The following F10 variants were observed in gnomAD, a reference collection of about 807,000 sequenced individuals.
The protein encoded by F10 is coagulation factor X.
A neutral mutation model predicts 37.1 loss-of-function variants in F10; 29 were observed. The observed-to-expected ratio is 0.78, with a 90% CI of 0.58 to 1.07. The LOEUF is 1.07. Among genes scored for constraint, F10 ranks in the 50% least tolerant of loss-of-function variants. The pLI, the probability that F10 is intolerant of heterozygous loss-of-function variation, is 0.00. For missense variants in F10, 539 were observed against 667.9 expected (o/e 0.81, Z 2.13); for synonymous variants, 262 against 268.6 (o/e 0.98, Z 0.24).
At chr13:113,142,102 C>A (rs2036533803) in intron 5 of F10, among the ~76,000 whole-genome samples, 1 of 152,244 alleles carries the variant, frequency 6.6e-6, no homozygotes, top group Non-Finnish European at 1.5e-5. Flanking sequence ...CCTGAAACAT[C>A]TCAGCAAGTG....
rs1018739203 is a variant in F10 at position 113,146,666 on chromosome 13, G to A, written c.748-713G>A. Reference sequence around the variant, plus strand: ...CATGACCCCTTTTCTAGCCATGAATGTTTTAAGAAATGTTTTAAGACTCGG... The same window carrying A: ...CATGACCCCTTTTCTAGCCATGAATATTTTAAGAAATGTTTTAAGACTCGG... On this transcript the variant is annotated intron_variant, in intron 6 of 7. Transcript: ENST00000375559. This position sits in a 1 kb window ranked among gnomAD's most constrained non-coding sequence, Gnocchi z 4.5. Among the ~76,000 whole-genome samples the A allele has an allele frequency of 3.3e-5, 5 of 152,186 alleles. No individual in the cohort carries two copies. Among genetic ancestry groups the A allele is most frequent in the Non-Finnish European group, 7.4e-5 (5 of 68,024 alleles).
In F10 at chr13:113,143,988, C is replaced by G; in HGVS notation, c.640C>G (p.Pro214Ala). 1 of 1,613,728 alleles carries G rather than the reference C, an allele frequency of 6.2e-7. No individual in the cohort carries two copies. The change falls in exon 6 of 8, where the codon CCC becomes GCC. Residue 214 changes from proline to alanine, a missense_variant. Coordinates refer to ENST00000375559, the MANE Select transcript of F10 (RefSeq NM_000504.4). This position sits in a 1 kb window ranked among gnomAD's most constrained non-coding sequence, Gnocchi z 6.8. ...AGCCGACCTGGACCCCACCGAGAAC[C>G]CCTTCGACCTGCTTGACTTCAACCA... ...DAADLDPTEN[P>A]FDLLDFNQTQ...
At chr13:113,133,584 C>T (rs1244121326) in intron 2 of F10, among the ~76,000 whole-genome samples, 1 of 152,166 alleles carries the variant, frequency 6.6e-6, no homozygotes, top group African/African-American at 2.4e-5. Flanking sequence ...GATGGTTTCA[C>T]TGGTAGAATT....
chr13:113,143,711 GC>G lies in F10; in HGVS notation c.503-137del. On this transcript the variant is annotated intron_variant, in intron 5 of 7. Transcript: ENST00000375559. The surrounding 1 kb of genome is among the most constrained non-coding windows in gnomAD (Gnocchi z 6.8). ...ACCCCTGCCGACGACGTGGGGCCTC[GC>G]CCTGCAAGCCCGCTGCCCCTCCGGG... The G allele has an allele frequency of 1.6e-6, 2 of 1,234,042 alleles. No homozygotes were observed. The highest frequency in any genetic ancestry group is 2.7e-5 in the East Asian group (1 of 37,616). 76.4% of individuals were successfully genotyped at this position (1,234,042 alleles called of 1,614,324 possible).
rs1555396300 is a variant in F10, at chr13:113,148,345, AAT to A, written c.866-554_866-553del. Among the ~76,000 whole-genome samples, 191 of 95,402 alleles carry A rather than the reference AAT, an allele frequency of 2.0e-3. 2 individuals are homozygous for A. The highest frequency in any genetic ancestry group is 5.0e-3 in the Middle Eastern group (1 of 200). 62.6% of individuals were successfully genotyped at this position (95,402 alleles called of 152,430 possible). On this transcript the variant is annotated intron_variant, in intron 7 of 7. Transcript: ENST00000375559. ...AACTCTGTCTCAAAAAAAAAAAAAA[AAT>A]ATATATATATATATATGTATATATA...
At position 113,129,361 on chromosome 13, in the gene F10, G is replaced by C. The variant is rs186575376; in HGVS notation, c.71-91G>C. 2.2e-4 allele frequency: 332 copies of C among 1,521,680 alleles called. 5 individuals carry two copies. In the East Asian group the frequency reaches 7.5e-3, roughly 34 times the overall value. 94.3% of individuals were successfully genotyped at this position (1,521,680 alleles called of 1,614,324 possible). A position where few individuals can be genotyped will look rare whatever the true frequency, so the allele number is the denominator to read the frequency against. ...GATCCGCCTTTTGTGATCTGGATATGGCAAGGGACATGGCAGTCAGGGAGC... is the reference window on the plus strand; with the variant it reads ...GATCCGCCTTTTGTGATCTGGATATCGCAAGGGACATGGCAGTCAGGGAGC... On this transcript the variant is annotated intron_variant, in intron 1 of 7. Transcript: ENST00000375559.
intron 7 of F10, among the ~76,000 whole-genome samples, chr13:113,148,546 C>T (rs2036607093): frequency 6.6e-6 from 1 of 151,966 alleles, no homozygotes; most frequent in African/African-American, 2.4e-5. Flanking sequence ...ACGTTCATGG[C>T]ACAACTATTT....
At chr13:113,135,858 A>G (rs2036474207) in intron 2 of F10, among the ~76,000 whole-genome samples, 2 of 152,218 alleles carry the variant, frequency 1.3e-5, no homozygotes, top group Admixed American at 1.3e-4. Context: ...ATTGACACCA[A>G]AAGAATGATT....
Position 113,148,960 on chromosome 13 carries a change from G to A in F10, c.910G>A (p.Glu304Lys), listed in dbSNP as rs747292771. ...GGAGGAGGGCGGTGAGGCGGTGCAC[G>A]AGGTGGAGGTGGTCATCAAGCACAA... ...EQEEGGEAVH[E>K]VEVVIKHNRF... The change falls in exon 8 of 8, where the codon GAG becomes AAG. Residue 304 changes from glutamate to lysine, a missense_variant. By Grantham distance (56) the Glu-to-Lys change is moderately conservative (BLOSUM62 1). Coordinates refer to ENST00000375559, the MANE Select transcript of F10 (RefSeq NM_000504.4). The A allele has an allele frequency of 8.7e-6, 14 of 1,613,328 alleles. No homozygotes were observed. The highest frequency in any genetic ancestry group is 3.3e-5 in the South Asian group (3 of 91,074).
rs766752130 is a variant in F10 at position 113,149,107 on chromosome 13, CT to C, written c.1058del (p.Leu353ArgfsTer2). 6.2e-7 allele frequency: 1 copy of C among 1,613,102 alleles called. No individual in the cohort carries two copies. Among genetic ancestry groups the C allele is most frequent in the Non-Finnish European group, 8.5e-7 (1 of 1,179,988 alleles). On this transcript the variant is annotated frameshift_variant, in exon 8 of 8. Coordinates refer to ENST00000375559, the MANE Select transcript of F10 (RefSeq NM_000504.4). LOFTEE classifies it low-confidence loss of function (END_TRUNC). This position sits in a 1 kb window ranked among gnomAD's most constrained non-coding sequence, Gnocchi z 7.5. ...LPERDWAESTLMTQKTGIVSG... is the reference protein window; with the variant it reads ...LPERDWAESTXMTQKTGIVSG... ...CGAGCGTGACTGGGCCGAGTCCACGCTGATGACGCAGAAGACGGGGATTGTG... is the reference window on the plus strand; with the variant it reads ...CGAGCGTGACTGGGCCGAGTCCACGCGATGACGCAGAAGACGGGGATTGTG...
rs762559898 is a variant in F10 at position 113,143,807 on chromosome 13, G to T, written c.503-44G>T. On this transcript the variant is annotated intron_variant, in intron 5 of 7. Transcript: ENST00000375559. This position sits in a 1 kb window ranked among gnomAD's most constrained non-coding sequence, Gnocchi z 6.8. The stretch of plus-strand genomic sequence containing the variant: ...GGGTGAGCTGTGCAGGCTATGGGGA[G>T]CCTCTCTCTGTGCTGAAGGCCCCGG... The T allele has an allele frequency of 6.2e-7, 1 of 1,606,328 alleles. No individual in the cohort carries two copies.
intron 2 of F10, chr13:113,131,583 A>G (rs542661818): frequency 6.6e-6 from 1 of 152,388 alleles, no homozygotes; most frequent in Non-Finnish European, 1.5e-5. Flanking sequence ...TCTATGTAAC[A>G]AAAGCTTTTG....
chr13:113,131,955 C>T (rs1003449829), intron 2 of F10: 4 of 152,266 alleles, frequency 2.6e-5, no homozygotes, highest in African/African-American at 9.6e-5. Flanking sequence ...ACTCCCACAA[C>T]ATCAAGGAAA....
chr13:113,145,509 C>T (rs908218258), intron 6 of F10, among the ~76,000 whole-genome samples: 16 of 151,384 alleles, frequency 1.1e-4, no homozygotes, highest in Admixed American at 2.0e-4. Context: ...TTCCAAGTAT[C>T]GCATGAAGCA....
chr13:113,139,530 C>T lies in F10; in HGVS notation c.370+60C>T, dbSNP rs1000258618. On this transcript the variant is annotated intron_variant, in intron 4 of 7. Coordinates refer to ENST00000375559, the MANE Select transcript of F10 (RefSeq NM_000504.4). This position sits in a 1 kb window ranked among gnomAD's most constrained non-coding sequence, Gnocchi z 5.2. ...ATGCCCCTGAAGAGTGGCAGGTGGG[C>T]GGGGGAAGAAGTGAAAACGCCTAAT... is the stretch of plus-strand genomic sequence containing the variant. The T allele has an allele frequency of 5.1e-6, 7 of 1,361,950 alleles. No homozygotes were observed. The highest frequency in any genetic ancestry group is 3.4e-5 in the Admixed American group (2 of 58,124). 84.4% of individuals were successfully genotyped at this position (1,361,950 alleles called of 1,614,324 possible).
At chr13:113,123,949 C>T (rs2036346029) in intron 1 of F10, among the ~76,000 whole-genome samples, 1 of 152,216 alleles carries the variant, frequency 6.6e-6, no homozygotes, top group Non-Finnish European at 1.5e-5. Flanking sequence ...CCTCAGGCCA[C>T]ACTGCCCCCT....
rs374108744 is a variant in F10, at chr13:113,127,585, C to T, written c.71-1867C>T. On this transcript the variant is annotated intron_variant, in intron 1 of 7. Transcript: ENST00000375559. ...ACACTCTACAAGGGACACAGACTCT[C>T]GGATCCAGGGCATTTTAACCAGCAG... 8.8e-4 allele frequency among the ~76,000 whole-genome samples: 134 copies of T among 152,216 alleles called. 1 individual carries two copies. The highest frequency in any genetic ancestry group is 3.1e-3 in the African/African-American group (127 of 41,522).
chr13:113,134,471 G>A (rs574648483), intron 2 of F10, among the ~76,000 whole-genome samples: 6 of 152,196 alleles, frequency 3.9e-5, no homozygotes, highest in Non-Finnish European at 5.9e-5. Context: ...AATGAGAGCC[G>A]AGCAAAAGGG....
At chr13:113,126,016 A>C (rs1348724681) in intron 1 of F10, among the ~76,000 whole-genome samples, 2 of 152,024 alleles carry the variant, frequency 1.3e-5, no homozygotes, top group Non-Finnish European at 2.9e-5. Flanking sequence ...TGTGGAAAGA[A>C]TGTTCCAGAC....
Sources: gnomAD v4.1 joint callset for allele counts (sites outside exome capture counted in the v4.1 genomes callset) on GRCh38, gnomAD v4.1.1 for gene constraint, Gnocchi (gnomAD v3.1) non-coding constraint, MANE v1.5 for transcripts, NCBI Gene and HGNC (gene_info 2026-07-23, HGNC 2026-07-21) for gene names.